The following KLHL13 variants were observed in gnomAD, a reference collection of about 807,000 sequenced individuals.
The protein encoded by KLHL13 is kelch-like protein 13.
A neutral mutation model predicts 37.1 loss-of-function variants in KLHL13; 10 were observed. That is an observed-to-expected ratio of 0.27 (90% CI 0.17 to 0.46). The LOEUF (loss-of-function observed/expected upper bound fraction) is 0.46, where lower values mean the gene tolerates loss of function less well. Ranked by LOEUF, KLHL13 falls within the 20% of genes least tolerant of loss-of-function variation. KLHL13 has a pLI of 1.00. For missense variants in KLHL13, 360 were observed against 509.3 expected, an observed-to-expected ratio of 0.71 and a Z score of 2.82; for synonymous variants, 163 against 181.2, an observed-to-expected ratio of 0.90 and a Z score of 0.81.
intron 1 of KLHL13, among the ~76,000 whole-genome samples, chrX:117,980,354 A>G (rs1344139176): frequency 1.8e-5 from 2 of 111,989 alleles, no homozygotes; most frequent in Non-Finnish European, 3.8e-5. Context: ...AAAAGTCTGA[A>G]TTTCTGAAAG....
intron 1 of KLHL13, among the ~76,000 whole-genome samples, chrX:117,990,993 A>G (rs897327342): frequency 8.1e-5 from 9 of 110,870 alleles, no homozygotes; most frequent in African/African-American, 3.0e-4. Flanking sequence ...GAGCTTATCT[A>G]CAACATGGTT....
At chrX:117,928,746 C>A (rs1210672891) in intron 2 of KLHL13, among the ~76,000 whole-genome samples, 1 of 111,399 alleles carries the variant, frequency 9.0e-6, no homozygotes, top group African/African-American at 3.3e-5. Context: ...AGAAGAAACA[C>A]CTCCTATGAA....
intron 1 of KLHL13, chrX:117,972,703 C>T (rs1346515898): frequency 3.4e-6 from 4 of 1,162,555 alleles, no homozygotes; most frequent in Non-Finnish European, 4.7e-6. Flanking sequence ...TGAAATCCCA[C>T]TTTAATATCC....
chrX:117,943,590 T>G (rs1448191600), intron 2 of KLHL13, among the ~76,000 whole-genome samples: 1 of 108,656 alleles, frequency 9.2e-6, no homozygotes, highest in Non-Finnish European at 1.9e-5. Flanking sequence ...CTTCAATCTC[T>G]GATATCCTTT....
chrX:118,078,735 A>AT (rs1157254870), intron 1 of KLHL13, among the ~76,000 whole-genome samples: 7 of 111,715 alleles, frequency 6.3e-5, no homozygotes, highest in Non-Finnish European at 1.3e-4. Context: ...TTGTATACAT[A>AT]TTTTTCTGTG....
intron 4 of KLHL13, among the ~76,000 whole-genome samples, chrX:117,913,854 A>G (rs1006983465): frequency 9.0e-6 from 1 of 110,514 alleles, no homozygotes. Flanking sequence ...AAAAGAAAAA[A>G]AAAAAAAAGA....
At chrX:118,045,371 CAAAAAAAA>C (rs55736320) in intron 1 of KLHL13, among the ~76,000 whole-genome samples, 1 of 72,594 alleles carries the variant, frequency 1.4e-5, no homozygotes, top group Non-Finnish European at 2.7e-5. Flanking sequence ...AAGACTCCAT[CAAAAAAAA>C]AAAAAAAAAG....
chrX:118,027,246 C>A (rs2054284284), intron 1 of KLHL13, among the ~76,000 whole-genome samples: 1 of 111,710 alleles, frequency 9.0e-6, no homozygotes, highest in Admixed American at 9.5e-5. Context: ...CTGCTCATTT[C>A]TCAAACAAGG....
intron 2 of KLHL13, among the ~76,000 whole-genome samples, chrX:117,923,677 G>C (rs746983066): frequency 6.3e-5 from 7 of 111,333 alleles, no homozygotes; most frequent in Non-Finnish European, 9.4e-5. Flanking sequence ...GAAAAGAGGA[G>C]TAGCTTGTGC....
chrX:117,901,137 T>C (rs2147594476), intron 6 of KLHL13, among the ~76,000 whole-genome samples: 1 of 111,849 alleles, frequency 8.9e-6, no homozygotes, highest in East Asian at 2.8e-4. Context: ...ACCCATATTA[T>C]GGACTATACT....
intron 1 of KLHL13, among the ~76,000 whole-genome samples, chrX:118,093,815 G>A (rs1233270178): frequency 1.8e-5 from 2 of 110,217 alleles, no homozygotes; most frequent in African/African-American, 6.6e-5. Context: ...TAAGAAGTAT[G>A]ATGGGCTAAA....
At chrX:118,111,937 C>G (rs940065178) in intron 1 of KLHL13, among the ~76,000 whole-genome samples, 1 of 111,554 alleles carries the variant, frequency 9.0e-6, no homozygotes, top group Non-Finnish European at 1.9e-5. Flanking sequence ...AAAAAGTGGG[C>G]CTAGCTAATT....
At chrX:118,074,847 C>A (rs1457823261) in intron 1 of KLHL13, among the ~76,000 whole-genome samples, 1 of 111,613 alleles carries the variant, frequency 9.0e-6, no homozygotes, top group African/African-American at 3.3e-5. Context: ...TTATCCCTCC[C>A]GAAGTGTTCC....
rs66906743 is a variant in KLHL13 at position 118,069,420 on chromosome X, TAAAA to T, written c.-56+47084_-56+47087del. Among the ~76,000 whole-genome samples, 4 of 61,533 alleles carry T rather than the reference TAAAA, an allele frequency of 6.5e-5. No homozygotes were observed. The East Asian group carries it at 1.8e-3, about 27-fold the overall frequency. The allele number at this position is 61,533 out of a possible 115,157, so 53.4% of individuals were successfully genotyped here. ...TTTTAACAAAAAAAAGTTTAAAATG[TAAAA>T]AAAAAAAAAAAAAAAACAATTTTAA... On this transcript the variant is annotated intron_variant, in intron 1 of 6. Transcript: ENST00000371882.
intron 5 of KLHL13, among the ~76,000 whole-genome samples, chrX:117,906,120 T>C (rs182459304): frequency 9.0e-6 from 1 of 111,463 alleles, no homozygotes; most frequent in East Asian, 2.8e-4. Flanking sequence ...TCAGTTACAA[T>C]GGGAATGTTA....
chrX:118,102,630 G>T (rs1013421664), intron 1 of KLHL13, among the ~76,000 whole-genome samples: 3 of 112,081 alleles, frequency 2.7e-5, no homozygotes, highest in Admixed American at 9.5e-5. Flanking sequence ...GAATTAATTT[G>T]TGTAAAATAC....
At chrX:118,036,369 C>G (rs1053143011) in intron 1 of KLHL13, among the ~76,000 whole-genome samples, 1 of 111,993 alleles carries the variant, frequency 8.9e-6, no homozygotes. Flanking sequence ...GTCACCAAAA[C>G]AGCATGGTGC....
intron 1 of KLHL13, among the ~76,000 whole-genome samples, chrX:117,999,913 T>G (rs2053900384): frequency 9.0e-6 from 1 of 111,449 alleles, no homozygotes; most frequent in East Asian, 2.8e-4. Flanking sequence ...TCTAGACAAA[T>G]TTACTAGGAC....
At chrX:118,007,415 T>G (rs1185517167) in intron 1 of KLHL13, among the ~76,000 whole-genome samples, 1 of 104,300 alleles carries the variant, frequency 9.6e-6, no homozygotes, top group African/African-American at 3.5e-5. Context: ...CTGCCAGCCC[T>G]GGACAATGGC....
Sources: allele counts gnomAD v4.1 joint callset (sites outside exome capture counted in the v4.1 genomes callset), GRCh38; gene constraint gnomAD v4.1.1; transcripts MANE v1.5; gene names NCBI Gene and HGNC (gene_info 2026-07-23, HGNC 2026-07-21).